Variants in RAB7A observed in about 807,000 individuals in gnomAD.
The protein encoded by RAB7A is ras-related protein Rab-7a.
A neutral mutation model predicts 24.5 loss-of-function variants in RAB7A; 2 were observed. The ratio of observed to expected loss-of-function variants is 0.08; its 90% CI spans 0.03 to 0.26. RAB7A has a LOEUF of 0.26. Among genes scored for constraint, RAB7A ranks in the 10% least tolerant of loss-of-function variants. The probability of loss-of-function intolerance (pLI) is 1.00; values close to 1 mark genes in which losing one functional copy is unlikely to be tolerated. For missense variants in RAB7A, 118 were observed against 255.7 expected, an observed-to-expected ratio of 0.46 and a Z score of 3.67; for synonymous variants, 100 against 95.9, an observed-to-expected ratio of 1.04 and a Z score of -0.25.
intron 1 of RAB7A, among the ~76,000 whole-genome samples, chr3:128,793,119 G>A (rs2107610016): frequency 6.6e-6 from 1 of 152,254 alleles, no homozygotes; most frequent in African/African-American, 2.4e-5. Context: ...CACCTCCCGG[G>A]TTCAAGCCAT....
rs572061536 is a variant in RAB7A, at chr3:128,807,782, A to T, written c.528+111A>T. On this transcript the variant is annotated intron_variant, in intron 5 of 5. Transcript: ENST00000265062. ...TTCCCTAACCCACTCTTTTCTGTAT[A>T]GCCAGAATACCCTATGTGTTCATCT... 1,098 of 1,468,514 alleles carry T rather than the reference A, an allele frequency of 7.5e-4. 3 individuals carry two copies. The highest frequency in any genetic ancestry group is 6.7e-3 in the Middle Eastern group (29 of 4,338). The allele number at this position is 1,468,514 out of a possible 1,614,324, so 91.0% of individuals were successfully genotyped here. A position where few individuals can be genotyped will look rare whatever the true frequency, so the allele number is the denominator to read the frequency against.
intron 1 of RAB7A, among the ~76,000 whole-genome samples, chr3:128,788,804 C>T (rs1260744230): frequency 6.6e-6 from 1 of 152,144 alleles, no homozygotes; most frequent in Non-Finnish European, 1.5e-5. Context: ...TTCTGACCAC[C>T]GACCTCTGCC....
At chr3:128,758,304 G>A (rs1436278348) in intron 1 of RAB7A, among the ~76,000 whole-genome samples, 1 of 147,758 alleles carries the variant, frequency 6.8e-6, no homozygotes, top group African/African-American at 2.5e-5. Context: ...ACAGAGTCTG[G>A]CTCTGTCGCC....
intron 1 of RAB7A, among the ~76,000 whole-genome samples, chr3:128,762,375 A>T (rs958110854): frequency 1.3e-5 from 2 of 152,178 alleles, no homozygotes; most frequent in African/African-American, 4.8e-5. Flanking sequence ...ATTCCCGTTT[A>T]AGCTCTCTTC....
chr3:128,735,488 G>T (rs1576267114), intron 1 of RAB7A, among the ~76,000 whole-genome samples: 1 of 152,222 alleles, frequency 6.6e-6, no homozygotes, highest in African/African-American at 2.4e-5. Context: ...TAGTACCCCA[G>T]TTATGGGTGA....
intron 1 of RAB7A, among the ~76,000 whole-genome samples, chr3:128,774,022 T>C (rs1052297402): frequency 1.3e-5 from 2 of 150,624 alleles, no homozygotes; most frequent in African/African-American, 4.9e-5. Context: ...CCCTGCACTA[T>C]TGTCCTATGA....
intron 1 of RAB7A, among the ~76,000 whole-genome samples, chr3:128,763,430 G>A (rs2070794186): frequency 6.6e-6 from 1 of 151,720 alleles, no homozygotes; most frequent in African/African-American, 2.4e-5. Flanking sequence ...TGTTAGCCAG[G>A]ATGGTCTCGA....
At chr3:128,768,387 C>G (rs893898543) in intron 1 of RAB7A, among the ~76,000 whole-genome samples, 1 of 152,162 alleles carries the variant, frequency 6.6e-6, no homozygotes, top group African/African-American at 2.4e-5. Flanking sequence ...GCTGTGAACA[C>G]TGGTGCACAA....
In RAB7A at chr3:128,814,719, GTC is replaced by G. The variant is rs1375445450; in HGVS notation, c.*1299_*1300del. The stretch of plus-strand genomic sequence containing the variant: ...CGGAGCACTTCTCCTTTTTCCAAAG[GTC>G]TACATTCTAGGGTGTGGGCTGAGTT... On this transcript the variant is annotated 3_prime_UTR_variant, in exon 6 of 6. Coordinates refer to ENST00000265062, the MANE Select transcript of RAB7A (RefSeq NM_004637.6). 1 of 152,620 alleles carries G rather than the reference GTC, an allele frequency of 6.6e-6. No individual in the cohort carries two copies. Among genetic ancestry groups the G allele is most frequent in the Non-Finnish European group, 1.5e-5 (1 of 68,054 alleles). 9.5% of individuals were successfully genotyped at this position (152,620 alleles called of 1,614,324 possible). A position where few individuals can be genotyped will look rare whatever the true frequency, so the allele number is the denominator to read the frequency against.
At chr3:128,810,478 C>T (rs1162118116) in intron 5 of RAB7A, among the ~76,000 whole-genome samples, 1 of 152,192 alleles carries the variant, frequency 6.6e-6, no homozygotes, top group Non-Finnish European at 1.5e-5. Context: ...TCTCACAGTT[C>T]TGGAGGCTGG....
chr3:128,798,726 G>A (rs533907203), intron 3 of RAB7A: 1 of 167,686 alleles, frequency 6.0e-6, no homozygotes, highest in East Asian at 1.8e-4. Context: ...CTGAAGGATG[G>A]ATACCTTGAG....
chr3:128,733,199 T>A (rs2070455427), intron 1 of RAB7A, among the ~76,000 whole-genome samples: 1 of 152,180 alleles, frequency 6.6e-6, no homozygotes. Context: ...CTCCTTTAAG[T>A]CATTATCATC....
intron 1 of RAB7A, among the ~76,000 whole-genome samples, chr3:128,733,672 CCTTTT>C (rs775656846): frequency 6.6e-6 from 1 of 152,122 alleles, no homozygotes; most frequent in Admixed American, 6.5e-5. Context: ...GTCCTATTCT[CCTTTT>C]CTTTTAGGAC....
chr3:128,792,821 A>T (rs1191211899), intron 1 of RAB7A, among the ~76,000 whole-genome samples: 12 of 24,044 alleles, frequency 5.0e-4, no homozygotes, highest in African/African-American at 1.2e-3. Context: ...GCTAATTTTT[A>T]TTTATTTATT....
intron 1 of RAB7A, among the ~76,000 whole-genome samples, chr3:128,778,387 T>A (rs1374115910): frequency 6.6e-6 from 1 of 152,206 alleles, no homozygotes; most frequent in East Asian, 1.9e-4. Flanking sequence ...AATGAAATTT[T>A]AATACCGTGG....
At chr3:128,804,715 TA>T (rs1409390166) in intron 3 of RAB7A, among the ~76,000 whole-genome samples, 1 of 152,226 alleles carries the variant, frequency 6.6e-6, no homozygotes, top group Non-Finnish European at 1.5e-5. Flanking sequence ...TGGTTCCACC[TA>T]ACAGTAACAG....
At chr3:128,759,770 C>T (rs567741051) in intron 1 of RAB7A, among the ~76,000 whole-genome samples, 9 of 151,900 alleles carry the variant, frequency 5.9e-5, no homozygotes, top group East Asian at 3.9e-4. Flanking sequence ...AGTGCAGTGG[C>T]GCAATCTTGG....
At chr3:128,764,544 C>G (rs2070809169) in intron 1 of RAB7A, 3 of 1,162,894 alleles carry the variant, frequency 2.6e-6, no homozygotes, top group Admixed American at 1.7e-5. Context: ...GGGCTCCCAT[C>G]TTGTGCAAGT....
intron 5 of RAB7A, 61 bp from the exon 6 acceptor site, chr3:128,813,266 A>G (rs1933965416): frequency 4.0e-6 from 6 of 1,500,748 alleles, no homozygotes; most frequent in Non-Finnish European, 5.6e-6. Flanking sequence ...AAGTGCCCGC[A>G]ATGAGGGCTG....
Sources: allele counts gnomAD v4.1 joint callset (sites outside exome capture counted in the v4.1 genomes callset), GRCh38; gene constraint gnomAD v4.1.1; transcripts MANE v1.5; gene names NCBI Gene and HGNC (gene_info 2026-07-23, HGNC 2026-07-21).